ANK2: variants seen among roughly 807,000 people sequenced by gnomAD.
ANK2 encodes the protein ankyrin-2.
A neutral mutation model predicts 360.5 loss-of-function variants in ANK2; 83 were observed. The ratio of observed to expected loss-of-function variants is 0.23; its 90% CI spans 0.19 to 0.28. The LOEUF (loss-of-function observed/expected upper bound fraction) is 0.28. ANK2 is among the 10% of genes least tolerant of loss of function. The pLI, the probability that ANK2 is intolerant of heterozygous loss-of-function variation, is 1.00. For missense variants in ANK2, 4,201 were observed against 4,795.7 expected, an observed-to-expected ratio of 0.88 and a Z score of 3.66; for synonymous variants, 1,740 against 1,759.5, an observed-to-expected ratio of 0.99 and a Z score of 0.28.
chr4:113,124,718 G>T (rs2095561479), intron 1 of ANK2, among the ~76,000 whole-genome samples: 1 of 151,994 alleles, frequency 6.6e-6, no homozygotes, highest in African/African-American at 2.4e-5. Flanking sequence ...TCTCATTAGA[G>T]TTTCATTTAT....
At chr4:112,738,914 G>C in the ANK2 span, 7 of 692,192 alleles carry the variant, frequency 1.0e-5, no homozygotes, top group African/African-American at 1.2e-4. Context: ...AGCACATGCT[G>C]CTAGTGGCTT....
chr4:113,215,296 C>A (rs899844466), intron 4 of ANK2, among the ~76,000 whole-genome samples: 1 of 152,064 alleles, frequency 6.6e-6, no homozygotes, highest in Non-Finnish European at 1.5e-5. Context: ...CATTCCCCAT[C>A]TGTAAAGAAG....
intron 1 of ANK2, among the ~76,000 whole-genome samples, chr4:113,092,370 A>G (rs544893371): frequency 6.6e-6 from 1 of 152,348 alleles, no homozygotes; most frequent in South Asian, 2.1e-4. Flanking sequence ...CACTTGGTGT[A>G]GAAGTCCTTG....
rs370499460 is a variant in ANK2, at chr4:113,258,404, C to T, written c.1379C>T (p.Thr460Ile). ...CAGAACGGAGCCTCTCCAGATGTCA[C>T]TAACATTGTGAGTATGGCTTGGGTC... ...LLQNGASPDV[T>I]NIRGETALHM... The change falls in exon 13 of 46, where the codon ACT becomes ATT. Residue 460 changes from threonine (T) to isoleucine (I), a missense_variant. By Grantham distance (89) the Thr-to-Ile change is moderately conservative (BLOSUM62 -1). Around this residue, in one of 4 missense-constraint regions of ANK2, gnomAD observed 1,268 missense variants for 1,650.8 expected, o/e 0.77. Coordinates refer to ENST00000357077, the MANE Select transcript of ANK2 (RefSeq NM_001148.6). 3.1e-6 allele frequency: 5 copies of T among 1,613,446 alleles called. No homozygotes were observed. In the African/African-American group the frequency reaches 6.7e-5, roughly 22 times the overall value.
At chr4:113,360,502 G>C (rs1312940728) in intron 38 of ANK2, among the ~76,000 whole-genome samples, 1 of 152,068 alleles carries the variant, frequency 6.6e-6, no homozygotes, top group Non-Finnish European at 1.5e-5. Flanking sequence ...TCATGAACAA[G>C]ATGGTGGTCT....
At chr4:112,899,116 C>T (rs2082558845) in intron 1 of ANK2, among the ~76,000 whole-genome samples, 1 of 152,058 alleles carries the variant, frequency 6.6e-6, no homozygotes, top group African/African-American at 2.4e-5. Flanking sequence ...TGGGTGTAGT[C>T]TCATTGTTTT....
intron 1 of ANK2, among the ~76,000 whole-genome samples, chr4:113,053,361 T>C (rs1355544388): frequency 6.6e-6 from 1 of 152,200 alleles, no homozygotes; most frequent in Admixed American, 6.5e-5. Context: ...AAAACCTTCA[T>C]CTGATACTTC....
At chr4:113,223,270 G>A (rs1478816547) in intron 4 of ANK2, among the ~76,000 whole-genome samples, 9 of 152,292 alleles carry the variant, frequency 5.9e-5, no homozygotes, top group South Asian at 2.1e-4. Flanking sequence ...CTAGCATGTC[G>A]TGGTTAAGGC....
At chr4:113,022,535 C>T (rs2058400385) in intron 2 of ANK2, among the ~76,000 whole-genome samples, 1 of 152,134 alleles carries the variant, frequency 6.6e-6, no homozygotes, top group Non-Finnish European at 1.5e-5. Context: ...CCACTAGACA[C>T]TGAGTGTACA....
At chr4:112,826,321 G>A (rs977002795) in intron 1 of ANK2, 15 of 813,012 alleles carry the variant, frequency 1.8e-5, no homozygotes, top group African/African-American at 1.0e-4. Context: ...TTCAGACTTC[G>A]AAAACCACTT....
chr4:112,935,771 A>T (rs2093669368), intron 2 of ANK2, among the ~76,000 whole-genome samples: 1 of 152,058 alleles, frequency 6.6e-6, no homozygotes, highest in Non-Finnish European at 1.5e-5. Flanking sequence ...GAACCATGGG[A>T]GGCAGAGGTT....
At chr4:113,311,200 G>T in intron 23 of ANK2, 55 bp from the exon 24 acceptor site, 3 of 1,607,760 alleles carry the variant, frequency 1.9e-6, no homozygotes, top group Non-Finnish European at 2.6e-6. Context: ...ACCATATGTT[G>T]TAGTTGATAT....
intron 4 of ANK2, among the ~76,000 whole-genome samples, chr4:113,207,593 A>AC (rs1442074509): frequency 6.6e-6 from 1 of 151,896 alleles, no homozygotes; most frequent in Non-Finnish European, 1.5e-5. Flanking sequence ...CTCAAATCTA[A>AC]CAGCATTAAT....
At chr4:113,046,475 G>A (rs1366097824), upstream of ANK2, among the ~76,000 whole-genome samples, 7 of 152,156 alleles carry the variant, frequency 4.6e-5, no homozygotes, top group East Asian at 5.8e-4. Context: ...ATTAAGTCAC[G>A]AGGGTAGAGC....
At chr4:113,036,590 T>C (rs113992694) in intron 2 of ANK2, among the ~76,000 whole-genome samples, 2 of 151,954 alleles carry the variant, frequency 1.3e-5, no homozygotes, top group South Asian at 2.1e-4. Flanking sequence ...TGCAGGAAAT[T>C]TGAAGGAAAT....
intron 1 of ANK2, among the ~76,000 whole-genome samples, chr4:112,860,153 C>T (rs1262135083): frequency 1.3e-5 from 2 of 152,196 alleles, no homozygotes; most frequent in African/African-American, 2.4e-5. Flanking sequence ...GTCAGTTTCT[C>T]ATCCACACAG....
chr4:112,841,001 C>T (rs2061975756), intron 1 of ANK2, among the ~76,000 whole-genome samples: 2 of 152,192 alleles, frequency 1.3e-5, no homozygotes, highest in East Asian at 3.8e-4. Context: ...ATAATACTTT[C>T]CCTTCCCCAC....
chr4:112,873,388 T>G (rs1020200902), intron 1 of ANK2, among the ~76,000 whole-genome samples: 3 of 152,034 alleles, frequency 2.0e-5, no homozygotes, highest in African/African-American at 7.2e-5. Flanking sequence ...TTCTTAAGTT[T>G]TAGTATGTCG....
chr4:113,242,345 C>A, intron 9 of ANK2, 136 bp downstream of exon 9: 5 of 799,932 alleles, frequency 6.3e-6, no homozygotes, highest in South Asian at 4.4e-5. Context: ...TGATTTAAAT[C>A]TCATACAACA....
Sources: gnomAD v4.1 joint callset for allele counts (sites outside exome capture counted in the v4.1 genomes callset) on GRCh38, gnomAD v4.1.1 for gene constraint, gnomAD v4.1.1 regional missense constraint, MANE v1.5 for transcripts, NCBI Gene and HGNC (gene_info 2026-07-23, HGNC 2026-07-21) for gene names.